The following TMEM132C variants were observed in gnomAD, a reference collection of about 807,000 sequenced individuals.
TMEM132C encodes the protein protein phosphatase 1, regulatory subunit 152.
In TMEM132C, 29 loss-of-function variants were observed where a neutral mutation model predicts 61.4. The observed-to-expected ratio is 0.47, with a 90% CI of 0.35 to 0.64. The LOEUF (loss-of-function observed/expected upper bound fraction) is 0.64, where lower values mean the gene tolerates loss of function less well. Ranked by LOEUF, TMEM132C falls within the 30% of genes least tolerant of loss-of-function variation. TMEM132C has a pLI of 0.00. For synonymous variants in TMEM132C, 656 were observed against 633.1 expected (o/e 1.04, Z -0.54); for missense variants, 1,408 against 1,476.9 (o/e 0.95, Z 0.76).
intron 1 of TMEM132C, among the ~76,000 whole-genome samples, chr12:128,299,720 A>C (rs1871536185): frequency 1.3e-5 from 2 of 152,182 alleles, no homozygotes; most frequent in Admixed American, 6.5e-5. Context: ...CCTTAAGGTA[A>C]AGGTTTGTGA....
chr12:128,385,876 C>T (rs951488422), intron 1 of TMEM132C, among the ~76,000 whole-genome samples: 7 of 152,176 alleles, frequency 4.6e-5, no homozygotes, highest in Non-Finnish European at 1.0e-4. Context: ...GTGCTGTCTG[C>T]TCCATGAGTT....
chr12:128,393,634 G>A (rs1178747121), intron 1 of TMEM132C, among the ~76,000 whole-genome samples: 1 of 152,176 alleles, frequency 6.6e-6, no homozygotes, highest in Non-Finnish European at 1.5e-5. Flanking sequence ...TGAAGGAAAG[G>A]AGTTTTGTGT....
At chr12:128,569,165 G>T (rs949916459) in intron 3 of TMEM132C, among the ~76,000 whole-genome samples, 2 of 152,190 alleles carry the variant, frequency 1.3e-5, no homozygotes, top group Admixed American at 1.3e-4. Context: ...AATAGGAAGG[G>T]TGTGAGCACA....
intron 3 of TMEM132C, among the ~76,000 whole-genome samples, chr12:128,569,234 C>T (rs1054093923): frequency 2.0e-5 from 3 of 152,158 alleles, no homozygotes; most frequent in African/African-American, 7.2e-5. Context: ...CAGTGTCCAG[C>T]AGGGCTGGAG....
intron 1 of TMEM132C, among the ~76,000 whole-genome samples, chr12:128,371,920 G>T (rs1238105739): frequency 6.6e-6 from 1 of 152,080 alleles, no homozygotes; most frequent in East Asian, 1.9e-4. Context: ...TATGATTTAT[G>T]TACTGTAAAA....
chr12:128,383,561 C>A (rs1294772873), intron 1 of TMEM132C, among the ~76,000 whole-genome samples: 1 of 152,206 alleles, frequency 6.6e-6, no homozygotes, highest in East Asian at 1.9e-4. Context: ...GACACAAAGC[C>A]CCCCTGTTGT....
chr12:128,528,275 C>G (rs374060008), intron 2 of TMEM132C, among the ~76,000 whole-genome samples: 1 of 152,172 alleles, frequency 6.6e-6, no homozygotes, highest in African/African-American at 2.4e-5. Context: ...GTGGGCTTTG[C>G]TTTGAAACTC....
intron 4 of TMEM132C, among the ~76,000 whole-genome samples, chr12:128,666,270 T>A (rs1954473256): frequency 7.9e-6 from 1 of 125,964 alleles, no homozygotes; most frequent in East Asian, 2.4e-4. Flanking sequence ...CAGGCACTCA[T>A]ACACAAACAC....
chr12:128,454,777 G>T (rs1409977715), intron 2 of TMEM132C, among the ~76,000 whole-genome samples: 4 of 152,208 alleles, frequency 2.6e-5, no homozygotes, highest in Admixed American at 6.5e-5. Context: ...TCAAGAAGAG[G>T]TTTGTGTGCA....
At chr12:128,385,562 T>C (rs1401362699) in intron 1 of TMEM132C, among the ~76,000 whole-genome samples, 1 of 152,230 alleles carries the variant, frequency 6.6e-6, no homozygotes, top group East Asian at 1.9e-4. Flanking sequence ...ATAAGAGACC[T>C]GAGCCCGTGG....
intron 2 of TMEM132C, among the ~76,000 whole-genome samples, chr12:128,442,651 G>A (rs1209490940): frequency 6.6e-6 from 1 of 151,652 alleles, no homozygotes; most frequent in Non-Finnish European, 1.5e-5. Flanking sequence ...CACGATCCTG[G>A]ATGCAAACAT....
At position 128,438,494 on chromosome 12, in the gene TMEM132C, T is replaced by C. The variant is rs1054981122; in HGVS notation, c.974+22874T>C. Among the ~76,000 whole-genome samples, 6 of 152,282 alleles carry C rather than the reference T, an allele frequency of 3.9e-5. No homozygotes were observed. In the South Asian group the frequency reaches 1.0e-3, roughly 26 times the overall value. On this transcript the variant is annotated intron_variant, in intron 2 of 8. Transcript: ENST00000435159. The stretch of plus-strand genomic sequence containing the variant: ...GATTCAGATGCCCAATCCTGAACTT[T>C]CCAGTCATCAGAATTGTAAGCCAAA...
At chr12:128,554,663 G>A (rs973767640) in intron 3 of TMEM132C, among the ~76,000 whole-genome samples, 1 of 152,172 alleles carries the variant, frequency 6.6e-6, no homozygotes, top group Non-Finnish European at 1.5e-5. Flanking sequence ...GAACTCGACT[G>A]TGCCTCTTTT....
chr12:128,639,107 G>T (rs1386736169), intron 4 of TMEM132C, among the ~76,000 whole-genome samples: 1 of 150,290 alleles, frequency 6.7e-6, no homozygotes, highest in Non-Finnish European at 1.5e-5. Context: ...TGTTGATAAT[G>T]ACAGTGGTGA....
intron 2 of TMEM132C, among the ~76,000 whole-genome samples, chr12:128,445,851 A>G (rs1334787528): frequency 3.3e-5 from 5 of 152,116 alleles, no homozygotes; most frequent in African/African-American, 9.7e-5. Flanking sequence ...AGAATGCTCT[A>G]TCTTCAGACA....
In TMEM132C at chr12:128,695,912, C is replaced by G. The variant is rs753914521; in HGVS notation, c.1738C>G (p.Arg580Gly). The G allele has an allele frequency of 3.9e-6, 6 of 1,551,552 alleles. No individual in the cohort carries two copies. Among genetic ancestry groups the G allele is most frequent in the Admixed American group, 2.0e-5 (1 of 50,988 alleles). The change falls in exon 7 of 9, where the codon CGG (arginine) becomes GGG (glycine). Residue 580 changes from arginine (R) to glycine (G), a missense_variant. Arg to Gly is a moderately radical substitution (Grantham distance 125). Coordinates refer to ENST00000435159, the MANE Select transcript of TMEM132C (RefSeq NM_001136103.3). ...ACTGCAATACCAGCACGCCACCGTG[C>G]GGGTCCTCACCCAGTTTGTGTCTGA... is the stretch of plus-strand genomic sequence containing the variant. ...CALQYQHATV[R>G]VLTQFVSEGA...
At chr12:128,407,086 C>T (rs944127404) in intron 1 of TMEM132C, among the ~76,000 whole-genome samples, 6 of 152,210 alleles carry the variant, frequency 3.9e-5, no homozygotes, top group Non-Finnish European at 7.3e-5. Context: ...AATCTCATCT[C>T]GAATTGTATC....
intron 1 of TMEM132C, among the ~76,000 whole-genome samples, chr12:128,349,261 C>G (rs560062422): frequency 1.7e-4 from 26 of 152,282 alleles, no homozygotes; most frequent in Non-Finnish European, 8.8e-5. Flanking sequence ...TCTTGGCCTC[C>G]CAAAGTGCTA....
At chr12:128,441,781 G>C (rs2094394111) in intron 2 of TMEM132C, among the ~76,000 whole-genome samples, 1 of 152,134 alleles carries the variant, frequency 6.6e-6, no homozygotes, top group Non-Finnish European at 1.5e-5. Context: ...GATCATTTGA[G>C]GTCAGGAGTT....
Sources: gnomAD v4.1 joint callset for allele counts (sites outside exome capture counted in the v4.1 genomes callset) on GRCh38, gnomAD v4.1.1 for gene constraint, MANE v1.5 for transcripts, NCBI Gene and HGNC (gene_info 2026-07-23, HGNC 2026-07-21) for gene names.